The following FSTL4 variants were observed in gnomAD, a reference collection of about 807,000 sequenced individuals.
FSTL4 encodes the protein follistatin-related protein 4.
In FSTL4, 28 loss-of-function variants were observed where a neutral mutation model predicts 78.2. The ratio of observed to expected loss-of-function variants is 0.36; its 90% confidence interval spans 0.27 to 0.49. FSTL4 has a LOEUF of 0.49. Ranked by LOEUF, FSTL4 falls within the 20% of genes least tolerant of loss-of-function variation. The pLI is 0.98. For synonymous variants in FSTL4, 422 were observed against 440.5 expected (o/e 0.96, Z 0.53); for missense variants, 922 against 1,084.9 (o/e 0.85, Z 2.11).
intron 7 of FSTL4, among the ~76,000 whole-genome samples, chr5:133,246,291 C>T (rs1752036980): frequency 6.6e-6 from 1 of 152,240 alleles, no homozygotes; most frequent in South Asian, 2.1e-4. Flanking sequence ...ATCTTTGCTG[C>T]ATCAGTGTTG....
chr5:133,423,288 C>T (rs1756738005), intron 3 of FSTL4, among the ~76,000 whole-genome samples: 1 of 152,236 alleles, frequency 6.6e-6, no homozygotes, highest in Non-Finnish European at 1.5e-5. Flanking sequence ...CATTCGTTGA[C>T]ATCAGCAGAA....
intron 3 of FSTL4, among the ~76,000 whole-genome samples, chr5:133,472,232 C>G (rs1757839513): frequency 1.3e-5 from 2 of 152,174 alleles, no homozygotes; most frequent in Admixed American, 6.5e-5. Flanking sequence ...CTATATCCAG[C>G]CGATCTGTCA....
At chr5:133,680,514 C>T in the FSTL4 span, among the ~76,000 whole-genome samples, 1 of 152,162 alleles carries the variant, frequency 6.6e-6, no homozygotes, top group Non-Finnish European at 1.5e-5. Context: ...ACAAGGCCTC[C>T]ACTTCTTAGA....
chr5:133,782,643 G>C, the FSTL4 span, among the ~76,000 whole-genome samples: 4 of 152,212 alleles, frequency 2.6e-5, no homozygotes, highest in Non-Finnish European at 5.9e-5. Flanking sequence ...GAAGCTGGGA[G>C]AGCCAGCAGC....
intron 4 of FSTL4, among the ~76,000 whole-genome samples, chr5:133,326,366 CCAAA>C (rs1189080486): frequency 1.3e-5 from 2 of 152,200 alleles, no homozygotes; most frequent in African/African-American, 4.8e-5. Context: ...CTCACAATCC[CCAAA>C]CAAACATGGA....
At chr5:133,781,402 T>C in the FSTL4 span, among the ~76,000 whole-genome samples, 1 of 117,668 alleles carries the variant, frequency 8.5e-6, no homozygotes, top group Non-Finnish European at 1.9e-5. Context: ...TGTGTGTGTG[T>C]GTGTGTGTGG....
intron 2 of FSTL4, among the ~76,000 whole-genome samples, chr5:133,570,367 G>A (rs556561019): frequency 1.4e-4 from 22 of 151,776 alleles, no homozygotes; most frequent in Admixed American, 2.0e-4. Flanking sequence ...CTGTGGCCCC[G>A]GCTGGAGTGC....
chr5:133,429,854 A>G (rs956898600), intron 3 of FSTL4, among the ~76,000 whole-genome samples: 1 of 152,170 alleles, frequency 6.6e-6, no homozygotes, highest in African/African-American at 2.4e-5. Flanking sequence ...ATGTAACTCA[A>G]TTAGAGGATA....
chr5:133,473,405 C>T (rs1453691713), intron 3 of FSTL4, among the ~76,000 whole-genome samples: 1 of 152,150 alleles, frequency 6.6e-6, no homozygotes, highest in Non-Finnish European at 1.5e-5. Context: ...GTGTCCCTCC[C>T]ATGGTCTGAG....
chr5:133,234,854 GTGTATTTT>G (rs1751607157), intron 7 of FSTL4, among the ~76,000 whole-genome samples: 1 of 152,208 alleles, frequency 6.6e-6, no homozygotes, highest in Non-Finnish European at 1.5e-5. Flanking sequence ...ATGCATGTGA[GTGTATTTT>G]TGAATGTGGG....
chr5:133,673,083 C>A, the FSTL4 span, among the ~76,000 whole-genome samples: 1 of 152,174 alleles, frequency 6.6e-6, no homozygotes, highest in African/African-American at 2.4e-5. Flanking sequence ...TAAACAGTTA[C>A]ATTCTTTTGA....
At chr5:133,226,951 G>A (rs1365748351) in intron 8 of FSTL4, among the ~76,000 whole-genome samples, 3 of 152,148 alleles carry the variant, frequency 2.0e-5, no homozygotes, top group South Asian at 2.1e-4. Flanking sequence ...AAAACTCCAC[G>A]GCCTCCCTGT....
intron 7 of FSTL4, among the ~76,000 whole-genome samples, chr5:133,238,876 G>A (rs1457699894): frequency 1.3e-5 from 2 of 152,226 alleles, no homozygotes; most frequent in African/African-American, 4.8e-5. Flanking sequence ...CTCGGCCTTG[G>A]TTCCCACTCT....
chr5:133,811,122 C>T, the FSTL4 span, among the ~76,000 whole-genome samples: 1 of 152,272 alleles, frequency 6.6e-6, no homozygotes, highest in African/African-American at 2.4e-5. Flanking sequence ...TGGGCCTGTC[C>T]AGCTCTATTT....
chr5:133,443,658 T>G (rs1295237295), intron 3 of FSTL4, among the ~76,000 whole-genome samples: 1 of 152,236 alleles, frequency 6.6e-6, no homozygotes, highest in East Asian at 1.9e-4. Flanking sequence ...CAGGCCAGCC[T>G]GTCTGTGGGT....
At chr5:133,397,247 CAG>C (rs1756081644) in intron 4 of FSTL4, among the ~76,000 whole-genome samples, 1 of 152,224 alleles carries the variant, frequency 6.6e-6, no homozygotes, top group African/African-American at 2.4e-5. Context: ...AGAAGTTAAA[CAG>C]TGAAATCCAC....
At chr5:133,806,158 G>A in the FSTL4 span, among the ~76,000 whole-genome samples, 7 of 152,118 alleles carry the variant, frequency 4.6e-5, no homozygotes, top group Admixed American at 1.3e-4. Flanking sequence ...GAAATGCTGC[G>A]AGGGTAGAGG....
chr5:133,400,877 C>T lies in FSTL4; in HGVS notation c.270G>A (p.Leu90=), dbSNP rs756486587. 2.5e-6 allele frequency: 4 copies of T among 1,613,934 alleles called. No individual in the cohort carries two copies. The South Asian group carries it at 4.4e-5, about 18-fold the overall frequency. ...GCACGTAGCTGGGCCTGCATGCCTC[C>T]AGGCACTGGCATTCGGGCTCCCCTG... ...RKTGEPECQC[L]EACRPSYVPV... The change falls in exon 4 of 16, where the codon CTG becomes CTA. Residue 90 remains leucine, a synonymous_variant. Coordinates refer to ENST00000265342, the MANE Select transcript of FSTL4 (RefSeq NM_015082.2).
chr5:133,401,059 G>C (rs1756213690), intron 3 of FSTL4, 73 bp from the exon 4 acceptor site: 1 of 1,548,490 alleles, frequency 6.5e-7, no homozygotes, highest in African/African-American at 1.4e-5. Context: ...TTCCTTTGTA[G>C]CTCACAAGCA....
Sources: allele counts gnomAD v4.1 joint callset (sites outside exome capture counted in the v4.1 genomes callset), GRCh38; gene constraint gnomAD v4.1.1; transcripts MANE v1.5; gene names NCBI Gene and HGNC (gene_info 2026-07-23, HGNC 2026-07-21).